The following TLL1 variants were observed in gnomAD, a reference collection of about 807,000 sequenced individuals.
TLL1 encodes tolloid like 1, also known as tolloid-like protein 1.
TLL1 carries 49 observed loss-of-function variants against 128.2 expected under a neutral mutation model. The observed-to-expected ratio is 0.38, with a 90% confidence interval of 0.30 to 0.48. TLL1 has a LOEUF of 0.48. TLL1 is among the 20% of genes least tolerant of loss of function. TLL1 has a pLI of 0.96. For missense variants in TLL1, 1,123 were observed against 1,242.0 expected (o/e 0.90, Z 1.44); for synonymous variants, 454 against 418.8 (o/e 1.08, Z -1.03).
rs773814777 is a variant in TLL1, at chr4:166,099,423, A to G, written c.2803A>G (p.Thr935Ala). Residue 935 changes from threonine (T) to alanine (A), a missense_variant, in exon 20 of 21, where the codon ACA becomes GCA. Thr to Ala is a moderately conservative substitution (Grantham distance 58, BLOSUM62 0). Coordinates refer to ENST00000061240, the MANE Select transcript of TLL1 (RefSeq NM_012464.5). ...CTCTCGACTTGAATTATCCTTCCAG[A>G]CATTTGAAGTGGAGGAAGAAGCAGA... ...RGSRLELSFQTFEVEEEADCG... is the reference protein window; with the variant it reads ...RGSRLELSFQAFEVEEEADCG... The G allele has an allele frequency of 2.3e-5, 37 of 1,613,430 alleles. 1 individual carries two copies. In the East Asian group the frequency reaches 3.1e-4, roughly 14 times the overall value.
intron 1 of TLL1, among the ~76,000 whole-genome samples, chr4:165,958,611 G>T (rs1414264738): frequency 1.4e-4 from 20 of 144,396 alleles, no homozygotes; most frequent in Non-Finnish European, 2.0e-4. Flanking sequence ...CTGGATATTA[G>T]CCCTTTGTCA....
chr4:166,005,179 T>C (rs1323556625), intron 6 of TLL1, among the ~76,000 whole-genome samples: 1 of 152,034 alleles, frequency 6.6e-6, no homozygotes, highest in African/African-American at 2.4e-5. Flanking sequence ...ATTGAAATAT[T>C]GATAAAACAG....
rs116808975 is a variant in TLL1 at position 166,029,178 on chromosome 4, A to G, written c.1158+3747A>G. ...GAATTATGTTTTTTTATCATTTCGT[A>G]TTTTTCTCTCTACTGGTTTGAAAGT... On this transcript the variant is annotated intron_variant, in intron 9 of 20. Coordinates refer to ENST00000061240, the MANE Select transcript of TLL1 (RefSeq NM_012464.5). Among the ~76,000 whole-genome samples the G allele has an allele frequency of 5.8e-3, 870 of 150,906 alleles. 10 individuals carry two copies. The highest frequency in any genetic ancestry group is 0.02 in the African/African-American group (822 of 41,176).
intron 1 of TLL1, among the ~76,000 whole-genome samples, chr4:165,971,992 T>A (rs894528029): frequency 6.6e-6 from 1 of 152,162 alleles, no homozygotes; most frequent in African/African-American, 2.4e-5. Context: ...AGCCTACGTA[T>A]AAGTAGAACC....
chr4:166,065,888 T>C, intron 16 of TLL1, 25 bp downstream of exon 16: 1 of 1,435,460 alleles, frequency 7.0e-7, no homozygotes, highest in South Asian at 1.2e-5. Context: ...ATGTTGTATG[T>C]GTATATTACA....
intron 1 of TLL1, among the ~76,000 whole-genome samples, chr4:165,984,061 C>A (rs1736283370): frequency 6.6e-6 from 1 of 151,740 alleles, no homozygotes; most frequent in African/African-American, 2.4e-5. Flanking sequence ...TTAAATAAAA[C>A]ATTGCATGGG....
chr4:165,918,500 C>G (rs1244456627), intron 1 of TLL1, among the ~76,000 whole-genome samples: 1 of 151,920 alleles, frequency 6.6e-6, no homozygotes, highest in Non-Finnish European at 1.5e-5. Flanking sequence ...CCTGAATATT[C>G]CTAGTTTTTA....
intron 1 of TLL1, among the ~76,000 whole-genome samples, chr4:165,928,073 G>A (rs546151646): frequency 6.6e-6 from 1 of 152,242 alleles, no homozygotes; most frequent in East Asian, 1.9e-4. Flanking sequence ...AAAGGGAGTC[G>A]AAAGCCATGC....
In TLL1 at chr4:166,078,562, C is replaced by T. The variant is rs145548833; in HGVS notation, c.2442+532C>T. Among the ~76,000 whole-genome samples, 35 of 152,248 alleles carry T rather than the reference C, an allele frequency of 2.3e-4. No individual in the cohort carries two copies. The East Asian group carries it at 6.2e-3, about 27-fold the overall frequency. On this transcript the variant is annotated intron_variant, in intron 18 of 20. Coordinates refer to ENST00000061240, the MANE Select transcript of TLL1 (RefSeq NM_012464.5). ...CCTTAGATTTTGCCCACATTTTATT[C>T]GGCATGAGTAATTCAAATATGAGTA...
chr4:165,935,065 C>T (rs1180154197), intron 1 of TLL1, among the ~76,000 whole-genome samples: 4 of 152,070 alleles, frequency 2.6e-5, no homozygotes, highest in Non-Finnish European at 5.9e-5. Context: ...TGTTTCTAGG[C>T]ACTTTATATA....
intron 9 of TLL1, among the ~76,000 whole-genome samples, chr4:166,027,903 A>G (rs1390795016): frequency 1.3e-5 from 2 of 152,140 alleles, no homozygotes; most frequent in African/African-American, 2.4e-5. Flanking sequence ...ATGATTATCT[A>G]TAAAACTATA....
rs370207263 is a variant in TLL1 at position 165,897,086 on chromosome 4, AT to A, written c.169+23022del. Among the ~76,000 whole-genome samples, 470 of 150,686 alleles carry A rather than the reference AT, an allele frequency of 3.1e-3. 1 individual carries two copies. The highest frequency in any genetic ancestry group is 0.011 in the African/African-American group (449 of 41,126). ...TTTCATATCCTTCACCCACTTCTTG[AT>A]TTTTTTTTCTTGTAAATTTGTTTAA... On this transcript the variant is annotated intron_variant, in intron 1 of 20. Transcript: ENST00000061240.
intron 18 of TLL1, among the ~76,000 whole-genome samples, chr4:166,086,707 G>T (rs537020872): frequency 6.6e-6 from 1 of 152,056 alleles, no homozygotes; most frequent in Non-Finnish European, 1.5e-5. Flanking sequence ...AAAGCAAATC[G>T]CTAAGTCTGG....
chr4:166,074,266 T>C (rs1740918110), intron 16 of TLL1, among the ~76,000 whole-genome samples: 1 of 151,290 alleles, frequency 6.6e-6, no homozygotes, highest in African/African-American at 2.4e-5. Context: ...ATTTCTTCTT[T>C]AGAGTAGTTT....
Position 165,969,858 on chromosome 4 carries a change from T to G in TLL1, c.170-19523T>G, listed in dbSNP as rs567716332. Among the ~76,000 whole-genome samples the G allele has an allele frequency of 4.6e-5, 7 of 152,278 alleles. No homozygotes were observed. In the South Asian group the frequency reaches 1.4e-3, roughly 32 times the overall value. Reference sequence around the variant, plus strand: ...AACTCGTCCTTTGAAGAATCTTGTATGTATTCTCACTTGGACACATTCTTA... The same window carrying G: ...AACTCGTCCTTTGAAGAATCTTGTAGGTATTCTCACTTGGACACATTCTTA... On this transcript the variant is annotated intron_variant, in intron 1 of 20. Coordinates refer to ENST00000061240, the MANE Select transcript of TLL1 (RefSeq NM_012464.5).
chr4:165,895,014 A>G (rs1218542529), intron 1 of TLL1, among the ~76,000 whole-genome samples: 5 of 152,162 alleles, frequency 3.3e-5, no homozygotes, highest in Non-Finnish European at 4.4e-5. Context: ...AACTTACCAC[A>G]TTTACATGTT....
intron 5 of TLL1, among the ~76,000 whole-genome samples, chr4:165,998,432 C>T (rs1263906218): frequency 6.6e-6 from 1 of 152,052 alleles, no homozygotes; most frequent in Non-Finnish European, 1.5e-5. Flanking sequence ...ACCTGTTTCA[C>T]TAATCTTTAA....
intron 12 of TLL1, among the ~76,000 whole-genome samples, chr4:166,049,025 G>A (rs192069535): frequency 6.6e-6 from 1 of 152,240 alleles, no homozygotes; most frequent in Admixed American, 6.5e-5. Context: ...CTTTGTGAGT[G>A]AACTAAAAAG....
intron 9 of TLL1, among the ~76,000 whole-genome samples, chr4:166,035,824 A>G (rs1380034616): frequency 6.6e-6 from 1 of 152,152 alleles, no homozygotes; most frequent in Non-Finnish European, 1.5e-5. Context: ...CATGTGGTAA[A>G]GGAATGGTCC....
Sources: gnomAD v4.1 joint callset for allele counts (sites outside exome capture counted in the v4.1 genomes callset) on GRCh38, gnomAD v4.1.1 for gene constraint, MANE v1.5 for transcripts, NCBI Gene and HGNC (gene_info 2026-07-23, HGNC 2026-07-21) for gene names.